Variants in ABCG2 observed in about 807,000 individuals in gnomAD.
The protein encoded by ABCG2 is ATP binding cassette subfamily G member 2 (JR blood group), also known as broad substrate specificity ATP-binding cassette transporter ABCG2.
ABCG2 carries 80 observed loss-of-function variants against 73.5 expected under a neutral mutation model. The observed-to-expected ratio is 1.09, with a 90% CI of 0.91 to 1.31. The LOEUF (loss-of-function observed/expected upper bound fraction) is 1.31. Among genes scored for constraint, ABCG2 ranks in the 50% most tolerant of loss-of-function variants. The pLI is 0.00. For synonymous variants in ABCG2, 269 were observed against 282.4 expected (o/e 0.95, Z 0.48); for missense variants, 796 against 786.2 (o/e 1.01, Z -0.15).
rs1000039382 is a variant in ABCG2 at position 88,207,764 on chromosome 4, C to T, written c.-20+23230G>A. ...CCCACTATGTTATGCAGGCTAGTCT[C>T]GAACTCCTGAGCTCAAACAGTCCTC... is the stretch of plus-strand genomic sequence containing the variant. On this transcript the variant is annotated intron_variant, in intron 1 of 15. Transcript: ENST00000515655. Among the ~76,000 whole-genome samples, 15 of 152,148 alleles carry T rather than the reference C, an allele frequency of 9.9e-5. No homozygotes were observed. The East Asian group carries it at 2.5e-3, about 25-fold the overall frequency.
intron 13 of ABCG2, among the ~76,000 whole-genome samples, chr4:88,096,015 A>G (rs1721960768): frequency 6.6e-6 from 1 of 152,182 alleles, no homozygotes; most frequent in Non-Finnish European, 1.5e-5. Context: ...TACCAGATAA[A>G]TCCTGAGCGT....
intron 4 of ABCG2, 62 bp downstream of exon 4, chr4:88,131,741 G>T: frequency 8.2e-7 from 1 of 1,217,600 alleles, no homozygotes; most frequent in Non-Finnish European, 1.2e-6. Flanking sequence ...TGAACTATCA[G>T]CCAAAGCACT....
chr4:88,160,138 G>A (rs1168708186), upstream of ABCG2, among the ~76,000 whole-genome samples: 2 of 151,834 alleles, frequency 1.3e-5, no homozygotes, highest in African/African-American at 2.4e-5. Flanking sequence ...CTACTCGCGA[G>A]GCTAAGGAAC....
chr4:88,211,982 T>C (rs1446641005), intron 1 of ABCG2, among the ~76,000 whole-genome samples: 7 of 152,176 alleles, frequency 4.6e-5, no homozygotes, highest in Non-Finnish European at 1.0e-4. Context: ...CACAGCTAGT[T>C]CATTCTTAAA....
At chr4:88,095,726 T>C (rs1700477350) in intron 13 of ABCG2, 117 bp from the exon 14 acceptor site, 8 of 754,908 alleles carry the variant, frequency 1.1e-5, no homozygotes, top group African/African-American at 1.7e-5. Flanking sequence ...AACCAACTCT[T>C]TCTTGAAGTT....
At chr4:88,152,559 G>A (rs1045390236) in intron 1 of ABCG2, among the ~76,000 whole-genome samples, 3 of 152,134 alleles carry the variant, frequency 2.0e-5, no homozygotes, top group Admixed American at 2.0e-4. Context: ...GCCAGAATGA[G>A]CCAGGAGAAG....
chr4:88,125,948 G>A (rs7690904), intron 5 of ABCG2, among the ~76,000 whole-genome samples: 16,467 of 152,072 alleles, frequency 0.11, 2,287 homozygotes, highest in African/African-American at 0.32. Flanking sequence ...AGAACTGAAG[G>A]AGATAGAGAC....
At chr4:88,140,102 T>G in intron 1 of ABCG2, 88 bp from the exon 2 acceptor site, 1 of 1,147,092 alleles carries the variant, frequency 8.7e-7, no homozygotes, top group Non-Finnish European at 1.2e-6. Flanking sequence ...ACAAGTCCAT[T>G]TTTAAATGTG....
Position 88,140,053 on chromosome 4 carries a change from T to C in ABCG2, c.-19-39A>G, listed in dbSNP as rs775765249. The C allele has an allele frequency of 1.4e-4, 216 of 1,533,850 alleles. 1 individual carries two copies. The highest frequency in any genetic ancestry group is 1.9e-4 in the Non-Finnish European group (208 of 1,121,962). ...AGCAATAGTAAGTTGATAGTCCAGA[T>C]AAATGAGATTGCAAACACTAGGTGA... On this transcript the variant is annotated intron_variant, in intron 1 of 15. Coordinates refer to ENST00000237612, the MANE Select transcript of ABCG2 (RefSeq NM_004827.3).
At chr4:88,092,557 A>T (rs1721708513) in intron 15 of ABCG2, among the ~76,000 whole-genome samples, 176 bp from the exon 16 acceptor site, 1 of 152,234 alleles carries the variant, frequency 6.6e-6, no homozygotes, top group Non-Finnish European at 1.5e-5. Flanking sequence ...ACACTAACAA[A>T]CAACATGGAC....
At chr4:88,107,938 C>T (rs1400697681) in intron 9 of ABCG2, among the ~76,000 whole-genome samples, 2 of 152,164 alleles carry the variant, frequency 1.3e-5, no homozygotes, top group Non-Finnish European at 2.9e-5. Flanking sequence ...GCACACACTG[C>T]ATGCTTCCAC....
chr4:88,217,922 T>C (rs1729873728), intron 1 of ABCG2, among the ~76,000 whole-genome samples: 1 of 149,410 alleles, frequency 6.7e-6, no homozygotes, highest in East Asian at 2.0e-4. Context: ...GCTATGATCA[T>C]GCCACTGCAC....
chr4:88,097,054 A>T (rs144792187), intron 13 of ABCG2, among the ~76,000 whole-genome samples: 120 of 152,322 alleles, frequency 7.9e-4, no homozygotes, highest in African/African-American at 2.5e-3. Flanking sequence ...TGTTAAAAAA[A>T]AAATAAACTA....
chr4:88,212,176 C>G (rs148910352), intron 1 of ABCG2, among the ~76,000 whole-genome samples: 71 of 152,286 alleles, frequency 4.7e-4, no homozygotes, highest in African/African-American at 1.6e-3. Context: ...TAAAATTTCA[C>G]TTTCTGATAT....
intron 1 of ABCG2, among the ~76,000 whole-genome samples, chr4:88,224,201 G>A (rs1360819899): frequency 6.6e-6 from 1 of 152,118 alleles, no homozygotes; most frequent in Admixed American, 6.6e-5. Flanking sequence ...TGTAATCCTA[G>A]CACTTTGGGA....
At chr4:88,119,071 G>A (rs1723785277) in intron 6 of ABCG2, among the ~76,000 whole-genome samples, 1 of 152,190 alleles carries the variant, frequency 6.6e-6, no homozygotes, top group African/African-American at 2.4e-5. Context: ...GGGGCCAGGT[G>A]GAGATAATTG....
intron 10 of ABCG2, among the ~76,000 whole-genome samples, chr4:88,102,886 A>G (rs1437875901): frequency 6.6e-6 from 1 of 152,164 alleles, no homozygotes; most frequent in East Asian, 1.9e-4. Flanking sequence ...ACAAAGATCT[A>G]AGGGAACAGG....
intron 1 of ABCG2, among the ~76,000 whole-genome samples, chr4:88,168,274 G>C (rs974639261): frequency 2.0e-5 from 3 of 152,136 alleles, no homozygotes; most frequent in Admixed American, 1.3e-4. Context: ...GGATCATGAG[G>C]TTAGGAGATT....
At chr4:88,218,858 T>C (rs183881719) in intron 1 of ABCG2, among the ~76,000 whole-genome samples, 1 of 152,340 alleles carries the variant, frequency 6.6e-6, no homozygotes, top group East Asian at 1.9e-4. Context: ...GTAAACTTTT[T>C]CTGTAAAAGG....
Sources: allele counts gnomAD v4.1 joint callset (sites outside exome capture counted in the v4.1 genomes callset), GRCh38; gene constraint gnomAD v4.1.1; transcripts MANE v1.5; gene names NCBI Gene and HGNC (gene_info 2026-07-23, HGNC 2026-07-21).